Variants in CPXM2 observed in about 807,000 individuals in gnomAD.
CPXM2 encodes the protein carboxypeptidase X, M14 family member 2.
Under a neutral mutation model 86.1 loss-of-function variants are expected in CPXM2, and 66 were observed. The ratio of observed to expected loss-of-function variants is 0.77; its 90% CI spans 0.63 to 0.94. CPXM2 has a LOEUF of 0.94. Among genes scored for constraint, CPXM2 ranks in the 40% least tolerant of loss-of-function variants. CPXM2 has a pLI of 0.00. For synonymous variants in CPXM2, 388 were observed against 400.2 expected, an observed-to-expected ratio of 0.97 and a Z score of 0.36; for missense variants, 948 against 1,026.3, an observed-to-expected ratio of 0.92 and a Z score of 1.04.
intron 3 of CPXM2, among the ~76,000 whole-genome samples, chr10:123,845,181 T>C (rs1159732711): frequency 6.6e-6 from 1 of 151,738 alleles, no homozygotes; most frequent in African/African-American, 2.4e-5. Flanking sequence ...GGATTGGGGA[T>C]ACTAGGCACA....
intron 13 of CPXM2, among the ~76,000 whole-genome samples, chr10:123,753,985 G>A (rs1044682218): frequency 6.6e-6 from 1 of 152,172 alleles, no homozygotes; most frequent in Non-Finnish European, 1.5e-5. Flanking sequence ...TTTATGTGAG[G>A]AATGATGGAG....
At chr10:123,778,483 G>A (rs1189224317) in intron 7 of CPXM2, among the ~76,000 whole-genome samples, 1 of 152,128 alleles carries the variant, frequency 6.6e-6, no homozygotes, top group Non-Finnish European at 1.5e-5. Flanking sequence ...CACCCAAGGG[G>A]GCTGCACTGA....
chr10:123,898,547 A>G (rs1945356627), intron 2 of CPXM2, among the ~76,000 whole-genome samples: 1 of 152,164 alleles, frequency 6.6e-6, no homozygotes, highest in South Asian at 2.1e-4. Flanking sequence ...CTGAGACAGG[A>G]GGATCACTTG....
chr10:123,932,674 T>C (rs921010435), intron 2 of CPXM2, among the ~76,000 whole-genome samples: 2 of 152,196 alleles, frequency 1.3e-5, no homozygotes, highest in East Asian at 1.9e-4. Flanking sequence ...CAGGGCTCTG[T>C]GTACAAGGTG....
chr10:123,934,353 C>T (rs1042207705), intron 2 of CPXM2, among the ~76,000 whole-genome samples: 5 of 152,110 alleles, frequency 3.3e-5, no homozygotes, highest in African/African-American at 4.8e-5. Context: ...GTCCCTGCCC[C>T]TCCCAGGCTC....
At chr10:123,881,575 G>A (rs1224063351) in intron 1 of CPXM2, among the ~76,000 whole-genome samples, 3 of 152,210 alleles carry the variant, frequency 2.0e-5, no homozygotes, top group Admixed American at 6.5e-5. Flanking sequence ...ACACAGGGTT[G>A]TCCTGACTTG....
At chr10:123,820,206 T>C (rs1847896580) in intron 4 of CPXM2, among the ~76,000 whole-genome samples, 4 of 152,210 alleles carry the variant, frequency 2.6e-5, no homozygotes, top group Admixed American at 2.6e-4. Context: ...CTGTATTTTC[T>C]TAGTTCTGCC....
intron 1 of CPXM2, among the ~76,000 whole-genome samples, chr10:123,939,821 G>A (rs1329446865): frequency 6.6e-6 from 1 of 152,194 alleles, no homozygotes; most frequent in East Asian, 1.9e-4. Context: ...CCCCAGATGT[G>A]CCTGATCAGG....
intron 2 of CPXM2, among the ~76,000 whole-genome samples, chr10:123,877,023 C>T (rs1416369722): frequency 2.0e-5 from 3 of 152,146 alleles, no homozygotes; most frequent in African/African-American, 7.2e-5. Flanking sequence ...TGATGCTTGT[C>T]CAATTCCCTA....
At chr10:123,886,638 C>A (rs771487853) in intron 1 of CPXM2, among the ~76,000 whole-genome samples, 8 of 152,070 alleles carry the variant, frequency 5.3e-5, no homozygotes, top group Non-Finnish European at 1.0e-4. Context: ...CTCACCAGCA[C>A]AGGAAGAAAG....
At chr10:123,827,526 C>T (rs973113425) in intron 4 of CPXM2, among the ~76,000 whole-genome samples, 1 of 152,016 alleles carries the variant, frequency 6.6e-6, no homozygotes, top group Admixed American at 6.6e-5. Context: ...AAACGGGACT[C>T]GCATGCTGAA....
At chr10:123,940,924 C>T (rs1333783726), upstream of CPXM2, among the ~76,000 whole-genome samples, 1 of 152,198 alleles carries the variant, frequency 6.6e-6, no homozygotes. Context: ...GTAATCCCAG[C>T]ACTTTGGGAG....
intron 3 of CPXM2, among the ~76,000 whole-genome samples, chr10:123,859,702 C>A (rs1848812477): frequency 6.6e-6 from 1 of 152,182 alleles, no homozygotes; most frequent in Non-Finnish European, 1.5e-5. Flanking sequence ...AAAGAAAAAC[C>A]CACGAAGACA....
upstream of CPXM2, among the ~76,000 whole-genome samples, chr10:123,896,487 A>G (rs1945339393): frequency 6.6e-6 from 1 of 152,212 alleles, no homozygotes. Flanking sequence ...TCATTACTAC[A>G]TAATTACCCA....
chr10:123,815,985 AAC>A (rs922080375), intron 4 of CPXM2, among the ~76,000 whole-genome samples: 13 of 152,186 alleles, frequency 8.5e-5, no homozygotes, highest in Middle Eastern at 3.4e-3. Context: ...AAAAAGTTCT[AAC>A]AGTTTATTTG....
chr10:123,789,856 C>T (rs1847165228), intron 6 of CPXM2, among the ~76,000 whole-genome samples: 1 of 152,048 alleles, frequency 6.6e-6, no homozygotes, highest in Non-Finnish European at 1.5e-5. Flanking sequence ...CGGTGGCTCA[C>T]ACCTGTAATC....
At chr10:123,822,724 AAATAATAAT>A (rs10603506) in intron 4 of CPXM2, among the ~76,000 whole-genome samples, 28 of 149,996 alleles carry the variant, frequency 1.9e-4, no homozygotes, top group South Asian at 4.3e-4. Context: ...ATGGACCTGA[AAATAATAAT>A]AATAATAATA....
intron 3 of CPXM2, among the ~76,000 whole-genome samples, chr10:123,854,374 A>ATATATATT (rs1848666279): frequency 1.2e-5 from 1 of 83,084 alleles, no homozygotes. Flanking sequence ...ATATATATAT[A>ATATATATT]ATATATATAT....
chr10:123,781,754 C>A (rs144742073), intron 6 of CPXM2, among the ~76,000 whole-genome samples: 373 of 152,316 alleles, frequency 2.4e-3, no homozygotes, highest in African/African-American at 7.9e-3. Flanking sequence ...GAATTAGAAA[C>A]CACATTGCAA....
Sources: gnomAD v4.1 joint callset for allele counts (sites outside exome capture counted in the v4.1 genomes callset) on GRCh38, gnomAD v4.1.1 for gene constraint, MANE v1.5 for transcripts, NCBI Gene and HGNC (gene_info 2026-07-23, HGNC 2026-07-21) for gene names.